Variants in ZSCAN2 observed in about 807,000 individuals in gnomAD.
ZSCAN2 encodes zinc finger and SCAN domain containing 2.
Under a neutral mutation model 47.8 loss-of-function variants are expected in ZSCAN2, and 26 were observed. The observed-to-expected ratio is 0.54, with a 90% CI of 0.40 to 0.75. The LOEUF (loss-of-function observed/expected upper bound fraction) is 0.75. Ranked by LOEUF, ZSCAN2 falls within the 30% of genes least tolerant of loss-of-function variation. The pLI is 0.00. For missense variants in ZSCAN2, 732 were observed against 785.4 expected (o/e 0.93, Z 0.81); for synonymous variants, 305 against 288.7 (o/e 1.06, Z -0.57).
Position 84,622,482 on chromosome 15 carries a change from G to T in ZSCAN2, c.*442G>T, listed in dbSNP as rs749050728. 1.6e-6 allele frequency: 1 copy of T among 632,166 alleles called. No homozygotes were observed. Among genetic ancestry groups the T allele is most frequent in the East Asian group, 2.8e-5 (1 of 36,276 alleles). The allele number at this position is 632,166 out of a possible 1,614,324, so 39.2% of individuals were successfully genotyped here. ...TTTTGCTGCCACGTTGTTGGGCTAAGGTGCCTTCACCCCAAGCTGTTAGTG... is the reference window on the plus strand; with the variant it reads ...TTTTGCTGCCACGTTGTTGGGCTAATGTGCCTTCACCCCAAGCTGTTAGTG... On this transcript the variant is annotated 3_prime_UTR_variant, in exon 3 of 3. Coordinates refer to ENST00000546148, the MANE Select transcript of ZSCAN2 (RefSeq NM_181877.4).
At position 84,616,825 on chromosome 15, in the gene ZSCAN2, C is replaced by CA. The variant is rs532497826; in HGVS notation, c.407-3771dup. Among the ~76,000 whole-genome samples, 143 of 152,182 alleles carry CA rather than the reference C, an allele frequency of 9.4e-4. 1 individual carries two copies. Among genetic ancestry groups the CA allele is most frequent in the Non-Finnish European group, 1.6e-3 (110 of 67,998 alleles). On this transcript the variant is annotated intron_variant, in intron 2 of 2. Transcript: ENST00000546148. ...GCAGGGCTCTGTGCTCAAAACTTGC[C>CA]AAAAAACTGTCTTCCGGCCAGACAT... is the stretch of plus-strand genomic sequence containing the variant.
chr15:84,618,862 TGTCA>T (rs1895752976), intron 2 of ZSCAN2, among the ~76,000 whole-genome samples: 1 of 151,704 alleles, frequency 6.6e-6, no homozygotes, highest in Non-Finnish European at 1.5e-5. Flanking sequence ...CCATGCCCGG[TGTCA>T]GTCATTAATT....
chr15:84,618,471 T>A (rs1313814831), intron 2 of ZSCAN2, among the ~76,000 whole-genome samples: 1 of 152,048 alleles, frequency 6.6e-6, no homozygotes, highest in Non-Finnish European at 1.5e-5. Context: ...GAGGGAAATT[T>A]CCTCCTCAGG....
intron 2 of ZSCAN2, among the ~76,000 whole-genome samples, chr15:84,608,890 G>GC (rs1222558725): frequency 6.6e-6 from 1 of 152,188 alleles, no homozygotes; most frequent in Non-Finnish European, 1.5e-5. Context: ...GTCTCACCAA[G>GC]CCCCGCTGAA....
chr15:84,613,677 T>C (rs972841709), intron 2 of ZSCAN2, among the ~76,000 whole-genome samples: 2 of 42,854 alleles, frequency 4.7e-5, no homozygotes, highest in Non-Finnish European at 8.3e-5. Flanking sequence ...CAGTAATCTT[T>C]CTTTTTTTTT....
chr15:84,617,049 G>A (rs866248313), intron 2 of ZSCAN2, among the ~76,000 whole-genome samples: 27 of 152,144 alleles, frequency 1.8e-4, no homozygotes, highest in African/African-American at 6.5e-4. Context: ...TTGAACCCGG[G>A]GAACAGAGGT....
At chr15:84,602,527 A>T (rs528558103) in intron 1 of ZSCAN2, among the ~76,000 whole-genome samples, 1 of 150,024 alleles carries the variant, frequency 6.7e-6, no homozygotes, top group Non-Finnish European at 1.5e-5. Context: ...TCCTGTCATT[A>T]CCACCTAAAG....
intron 2 of ZSCAN2, among the ~76,000 whole-genome samples, chr15:84,610,325 A>T (rs1895507287): frequency 1.3e-5 from 2 of 152,188 alleles, no homozygotes; most frequent in Non-Finnish European, 2.9e-5. Flanking sequence ...ATGACATGTG[A>T]GAGAATATTT....
intron 2 of ZSCAN2, among the ~76,000 whole-genome samples, chr15:84,611,447 T>G (rs1895545358): frequency 6.6e-6 from 1 of 151,106 alleles, no homozygotes; most frequent in Non-Finnish European, 1.5e-5. Context: ...AGTGATATAC[T>G]GTCTCAAAAA....
chr15:84,618,579 G>A (rs564736849), intron 2 of ZSCAN2, among the ~76,000 whole-genome samples: 23 of 142,556 alleles, frequency 1.6e-4, no homozygotes, highest in African/African-American at 5.0e-4. Context: ...TTTTTTTTTC[G>A]AGACAGAGTC....
In ZSCAN2 at chr15:84,604,129, G is replaced by T; in HGVS notation, c.202G>T (p.Glu68Ter). The change falls in exon 2 of 3, where the codon GAG (glutamate) becomes TAG (stop). Residue 68 changes from glutamate to a stop codon, truncating the protein, a stop_gained. Transcript: ENST00000546148. LOFTEE classifies it high-confidence loss of function. ...TGCTGGCAAGGGCGGCCCCCAGGAG[G>T]AGGTGACCAGGGGACCACAGGGTGC... ...QSAGKGGPQE[E>*]VTRGPQGALG... 4 of 1,613,964 alleles carry T rather than the reference G, an allele frequency of 2.5e-6. No homozygotes were observed. The highest frequency in any genetic ancestry group is 3.4e-6 in the Non-Finnish European group (4 of 1,179,946).
intron 2 of ZSCAN2, among the ~76,000 whole-genome samples, chr15:84,617,660 G>A (rs1039889154): frequency 6.6e-6 from 1 of 152,134 alleles, no homozygotes; most frequent in African/African-American, 2.4e-5. Context: ...CTTATGGCCA[G>A]GCATGGTGGC....
At chr15:84,616,093 C>T (rs1478463014) in intron 2 of ZSCAN2, among the ~76,000 whole-genome samples, 6 of 151,896 alleles carry the variant, frequency 4.0e-5, no homozygotes, top group African/African-American at 9.7e-5. Context: ...AACAATGAGC[C>T]GGGGGTGGTG....
chr15:84,602,911 A>T (rs990366413), intron 1 of ZSCAN2, among the ~76,000 whole-genome samples: 1 of 152,160 alleles, frequency 6.6e-6, no homozygotes, highest in African/African-American at 2.4e-5. Flanking sequence ...ACATGCTGCT[A>T]TATGGGTGTG....
chr15:84,606,702 G>A (rs1895392274), intron 2 of ZSCAN2: 6 of 1,493,750 alleles, frequency 4.0e-6, no homozygotes, highest in East Asian at 4.8e-5. Flanking sequence ...GGTGTCAGAG[G>A]TGATTACAGC....
Position 84,622,263 on chromosome 15 carries a change from G to C in ZSCAN2, c.*223G>C. The stretch of plus-strand genomic sequence containing the variant: ...GGCATAGGCGTGGAAGGTCTGGAAA[G>C]TTGGGTCTTTTTCCCTTACATTGGG... On this transcript the variant is annotated 3_prime_UTR_variant, in exon 3 of 3. Transcript: ENST00000546148. 1.7e-6 allele frequency: 1 copy of C among 580,762 alleles called. No homozygotes were observed. Among genetic ancestry groups the C allele is most frequent in the Admixed American group, 3.4e-5 (1 of 29,572 alleles). The allele number at this position is 580,762 out of a possible 1,614,324, so 36.0% of individuals were successfully genotyped here.
chr15:84,616,596 T>A, intron 2 of ZSCAN2: 3 of 1,241,540 alleles, frequency 2.4e-6, no homozygotes, highest in Non-Finnish European at 2.0e-6. Context: ...GAAAATAAAA[T>A]TGGATTTTAC....
rs372179421 is a variant in ZSCAN2, at chr15:84,604,205, A to G, written c.278A>G (p.His93Arg). Residue 93 changes from histidine (H) to arginine (R), a missense_variant, in exon 2 of 3, where the codon CAC becomes CGC. By Grantham distance (29) the His-to-Arg change is conservative. Transcript: ENST00000546148. Reference sequence around the variant, plus strand: ...CGGCGCTGGCTGAGACCAGAGGTACACACCAAGGAGCAGATGTTAACCATG... The same window carrying G: ...CGGCGCTGGCTGAGACCAGAGGTACGCACCAAGGAGCAGATGTTAACCATG... Reference protein sequence around the residue: ...LCRRWLRPEVHTKEQMLTMLP... With the variant: ...LCRRWLRPEVRTKEQMLTMLP... 5.6e-6 allele frequency: 9 copies of G among 1,613,782 alleles called. No homozygotes were observed. In the African/African-American group the frequency reaches 9.3e-5, roughly 17 times the overall value.
rs745884351 is a variant in ZSCAN2 at position 84,621,860 on chromosome 15, C to T, written c.1665C>T (p.Asp555=). 3.1e-6 allele frequency: 5 copies of T among 1,614,138 alleles called. No individual in the cohort carries two copies. The East Asian group carries it at 6.7e-5, about 22-fold the overall frequency. ...TGCACCAGAGAGCCCATTTGGGAGA[C>T]AAGCCCTACAGGTGCCCTGAGTGTG... The part of the protein sequence containing the change: ...LVMHQRAHLG[D]KPYRCPECGK... The change falls in exon 3 of 3, where the codon GAC becomes GAT. Residue 555 remains aspartate, a synonymous_variant. Transcript: ENST00000546148. The surrounding 1 kb of genome is among the most constrained non-coding windows in gnomAD (Gnocchi z 5.7).
Sources: gnomAD v4.1 joint callset for allele counts (sites outside exome capture counted in the v4.1 genomes callset) on GRCh38, gnomAD v4.1.1 for gene constraint, Gnocchi (gnomAD v3.1) non-coding constraint, MANE v1.5 for transcripts, NCBI Gene and HGNC (gene_info 2026-07-23, HGNC 2026-07-21) for gene names.